Variants in POU2F2 observed in about 807,000 individuals in gnomAD.
The protein encoded by POU2F2 is POU class 2 homeobox 2.
POU2F2 carries 14 observed loss-of-function variants against 63.5 expected under a neutral mutation model. That is an observed-to-expected ratio of 0.22 (90% CI 0.15 to 0.34). POU2F2 has a LOEUF of 0.34. Among genes scored for constraint, POU2F2 ranks in the 10% least tolerant of loss-of-function variants. POU2F2 has a pLI of 1.00. For synonymous variants in POU2F2, 306 were observed against 348.6 expected (o/e 0.88, Z 1.36); for missense variants, 607 against 815.2 (o/e 0.74, Z 3.11).
At position 42,153,743 on chromosome 19, in the gene POU2F2, CTG is replaced by C. The variant is rs933537588; in HGVS notation, c.-9+6587_-9+6588del. Among the ~76,000 whole-genome samples, 1 of 152,012 alleles carries C rather than the reference CTG, an allele frequency of 6.6e-6. No individual in the cohort carries two copies. The highest frequency in any genetic ancestry group is 2.4e-5 in the African/African-American group (1 of 41,356). On this transcript the variant is annotated intron_variant, in intron 2 of 6. Transcript: ENST00000524801. The surrounding 1 kb of genome is among the most constrained non-coding windows in gnomAD (Gnocchi z 5.6). ...TGGGCTGGAGGCTCTGGGTGTGTCC[CTG>C]TGTGTGTCATGGTGACTTGGTGTAG... is the stretch of plus-strand genomic sequence containing the variant.
chr19:42,179,428 C>T (rs962040412), upstream of POU2F2, among the ~76,000 whole-genome samples: 2 of 151,938 alleles, frequency 1.3e-5, no homozygotes, highest in African/African-American at 2.4e-5. Flanking sequence ...GGCTCCCGCC[C>T]CCTGCAGGCG....
In POU2F2 at chr19:42,092,011, C is replaced by A; in HGVS notation, c.1466+58G>T. The stretch of plus-strand genomic sequence containing the variant: ...AACATAACTGGGGTGCCGCTCCCCA[C>A]CCTAGAAGCAGCAGCGACCCTGCTT... On this transcript the variant is annotated intron_variant, in intron 13 of 14. Coordinates refer to ENST00000692977, the MANE Select transcript of POU2F2 (RefSeq NM_001394376.1). This position sits in a 1 kb window ranked among gnomAD's most constrained non-coding sequence, Gnocchi z 5.0. 2 of 1,551,566 alleles carry A rather than the reference C, an allele frequency of 1.3e-6. No individual in the cohort carries two copies. Among genetic ancestry groups the A allele is most frequent in the African/African-American group, 1.3e-5 (1 of 74,272 alleles).
chr19:42,188,328 T>G (rs2035035428), intron 1 of POU2F2, among the ~76,000 whole-genome samples: 1 of 149,716 alleles, frequency 6.7e-6, no homozygotes, highest in Non-Finnish European at 1.5e-5. Flanking sequence ...ACGGTGCCAC[T>G]GCACTGCAAC....
At position 42,132,339 on chromosome 19, in the gene POU2F2, T is replaced by C. The variant is rs747187753; in HGVS notation, c.28+45A>G. On this transcript the variant is annotated intron_variant, in intron 1 of 14. Coordinates refer to ENST00000692977, the MANE Select transcript of POU2F2 (RefSeq NM_001394376.1). Reference sequence around the variant, plus strand: ...AGGGCCCGCAGAGCAAACCTAAATGTGCTGCCTGTCCTCTGAGCAGTGGCA... The same window carrying C: ...AGGGCCCGCAGAGCAAACCTAAATGCGCTGCCTGTCCTCTGAGCAGTGGCA... 6 of 1,585,524 alleles carry C rather than the reference T, an allele frequency of 3.8e-6. No individual in the cohort carries two copies. The South Asian group carries it at 6.8e-5, about 18-fold the overall frequency.
chr19:42,171,008 G>A (rs905303620), intron 1 of POU2F2, among the ~76,000 whole-genome samples: 13 of 152,268 alleles, frequency 8.5e-5, no homozygotes, highest in African/African-American at 2.9e-4. Flanking sequence ...TGCATTTGTT[G>A]AATCTCCCTT....
chr19:42,110,140 G>A (rs1450857804), intron 5 of POU2F2, among the ~76,000 whole-genome samples: 1 of 148,716 alleles, frequency 6.7e-6, no homozygotes, highest in Non-Finnish European at 1.5e-5. Context: ...GTACATGCCT[G>A]TAGTCTCAGC....
intron 1 of POU2F2, among the ~76,000 whole-genome samples, chr19:42,170,838 G>A (rs1229046734): frequency 6.6e-6 from 1 of 152,256 alleles, no homozygotes; most frequent in Non-Finnish European, 1.5e-5. Context: ...GGCGAGAATG[G>A]CTGCCTGGTC....
intron 2 of POU2F2, among the ~76,000 whole-genome samples, chr19:42,150,778 G>T (rs1399999026): frequency 6.6e-6 from 1 of 151,340 alleles, no homozygotes; most frequent in Admixed American, 6.6e-5. Context: ...TTTAAAACTC[G>T]CTGCACTCCC....
rs144907658 is a variant in POU2F2 at position 42,169,757 on chromosome 19, CGTGT to C, written c.-70+6202_-70+6205del. ...GAGTGCGCGCACACGTGTGTGTGTG[CGTGT>C]GTGTGTGTGTCGGGGTGATATAAAC... On this transcript the variant is annotated intron_variant, in intron 1 of 6. Transcript: ENST00000524801. The surrounding 1 kb of genome is among the most constrained non-coding windows in gnomAD (Gnocchi z 4.3). Among the ~76,000 whole-genome samples, 12 of 151,492 alleles carry C rather than the reference CGTGT, an allele frequency of 7.9e-5. No homozygotes were observed. Among genetic ancestry groups the C allele is most frequent in the Admixed American group, 2.6e-4 (4 of 15,230 alleles).
At chr19:42,184,129 G>A (rs776554881) in intron 1 of POU2F2, among the ~76,000 whole-genome samples, 1 of 151,498 alleles carries the variant, frequency 6.6e-6, no homozygotes, top group Non-Finnish European at 1.5e-5. Flanking sequence ...TAGCTGGGAC[G>A]ACAGGCGTGC....
In POU2F2 at chr19:42,122,094, C is replaced by G. The variant is rs1479316700; in HGVS notation, c.186+32G>C. On this transcript the variant is annotated intron_variant, in intron 4 of 14. Transcript: ENST00000692977. ...CTGAGGACCCTCTTCCAAGCGCTGC[C>G]CACTTCCCTGGCTGTTCTGACAGGT... 12 of 1,591,790 alleles carry G rather than the reference C, an allele frequency of 7.5e-6. No individual in the cohort carries two copies. In the Admixed American group the frequency reaches 1.8e-4, roughly 24 times the overall value.
chr19:42,149,533 T>C (rs755509728), intron 2 of POU2F2, among the ~76,000 whole-genome samples: 1 of 151,980 alleles, frequency 6.6e-6, no homozygotes, highest in East Asian at 1.9e-4. Context: ...AACTGGGGAC[T>C]ATCAAGGTAG....
chr19:42,099,564 A>G lies in POU2F2; in HGVS notation c.530T>C (p.Leu177Pro), dbSNP rs144295200. The change falls in exon 7 of 15, where the codon CTT becomes CCT. Residue 177 changes from leucine to proline, a missense_variant. Leu to Pro is a moderately conservative substitution (Grantham distance 98, BLOSUM62 -3). Transcript: ENST00000692977. ...FQLPQQTQGA[L>P]LTSQPRAGLP... ...CCCGGCCCGGGGCTGGGAGGTCAGA[A>G]GAGCTCCCTGGGTTTGCTGAGGTAG... The G allele has an allele frequency of 2.2e-5, 35 of 1,614,004 alleles. No individual in the cohort carries two copies. Among genetic ancestry groups the G allele is most frequent in the Non-Finnish European group, 2.5e-5 (30 of 1,179,970 alleles).
chr19:42,177,558 GAC>G (rs1398999504), upstream of POU2F2, among the ~76,000 whole-genome samples: 1 of 151,908 alleles, frequency 6.6e-6, no homozygotes, highest in Non-Finnish European at 1.5e-5. Context: ...CAGAAACAGA[GAC>G]ACAGAGATAG....
intron 12 of POU2F2, chr19:42,093,581 C>T (rs541647353): frequency 5.1e-6 from 2 of 391,464 alleles, no homozygotes; most frequent in South Asian, 1.1e-4. Flanking sequence ...GCACAAAACT[C>T]AAGTGCCTCA....
At chr19:42,124,057 A>G (rs2032942465) in intron 1 of POU2F2, among the ~76,000 whole-genome samples, 1 of 152,174 alleles carries the variant, frequency 6.6e-6, no homozygotes, top group African/African-American at 2.4e-5. Flanking sequence ...CAATCCCAGC[A>G]CTTTGGGAGA....
intron 5 of POU2F2, among the ~76,000 whole-genome samples, chr19:42,104,399 C>T (rs1421148795): frequency 1.3e-5 from 2 of 151,718 alleles, no homozygotes. Context: ...TGCAAAATGA[C>T]CTCTCTAGAA....
At chr19:42,161,682 G>C (rs1159381685) in intron 1 of POU2F2, among the ~76,000 whole-genome samples, 1 of 152,078 alleles carries the variant, frequency 6.6e-6, no homozygotes, top group Non-Finnish European at 1.5e-5. Context: ...GAAGCAAAAG[G>C]GGGGTAAAAA....
intron 1 of POU2F2, among the ~76,000 whole-genome samples, chr19:42,163,888 A>AT (rs931790187): frequency 1.3e-5 from 2 of 151,778 alleles, no homozygotes; most frequent in Admixed American, 6.6e-5. Context: ...TTTGAAATAA[A>AT]TTTTTTTTTA....
Sources: allele counts gnomAD v4.1 joint callset (sites outside exome capture counted in the v4.1 genomes callset), GRCh38; gene constraint gnomAD v4.1.1; non-coding constraint Gnocchi (gnomAD v3.1); transcripts MANE v1.5; gene names NCBI Gene and HGNC (gene_info 2026-07-23, HGNC 2026-07-21).